ARHGEF28: variants seen among roughly 807,000 people sequenced by gnomAD.
The protein encoded by ARHGEF28 is 190 kDa guanine nucleotide exchange factor.
A neutral mutation model predicts 206.6 loss-of-function variants in ARHGEF28; 152 were observed. That is an observed-to-expected ratio of 0.74 (90% CI 0.64 to 0.84). ARHGEF28 has a LOEUF of 0.84. ARHGEF28 is among the 40% of genes least tolerant of loss of function. The pLI is 0.00. For synonymous variants in ARHGEF28, 763 were observed against 776.4 expected, an observed-to-expected ratio of 0.98 and a Z score of 0.29; for missense variants, 2,028 against 2,073.2, an observed-to-expected ratio of 0.98 and a Z score of 0.42.
At chr5:73,821,777 T>C (rs1201095549) in intron 9 of ARHGEF28, among the ~76,000 whole-genome samples, 2 of 152,138 alleles carry the variant, frequency 1.3e-5, no homozygotes, top group African/African-American at 4.8e-5. Context: ...GTTGATTAAA[T>C]CTAATCATGC....
chr5:73,831,193 G>A (rs577141012), intron 9 of ARHGEF28, among the ~76,000 whole-genome samples: 1 of 152,240 alleles, frequency 6.6e-6, no homozygotes, highest in East Asian at 1.9e-4. Flanking sequence ...GTCTTTACAT[G>A]TCTGAACGCA....
chr5:73,717,097 A>G (rs927056387), intron 2 of ARHGEF28, among the ~76,000 whole-genome samples: 1 of 152,146 alleles, frequency 6.6e-6, no homozygotes, highest in South Asian at 2.1e-4. Context: ...ATCCTGAAAA[A>G]TCCACCCAAA....
Position 73,846,295 on chromosome 5 carries a change from C to T in ARHGEF28, c.1455C>T (p.Asp485=), listed in dbSNP as rs1379668258. The change falls in exon 12 of 36, where the codon GAC becomes GAT. Residue 485 remains aspartate (D), a synonymous_variant. Coordinates refer to ENST00000513042, the MANE Select transcript of ARHGEF28 (RefSeq NM_001177693.2). ...RSSSLDALDA[D]SEGEGHSEPS... is the part of the protein sequence containing the mutation. ...CTAGCCTTGATGCCTTGGACGCCGA[C>T]AGTGAAGGGGAAGGGCATTCTGAGC... is the stretch of plus-strand genomic sequence containing the variant. 1 of 1,613,674 alleles carries T rather than the reference C, an allele frequency of 6.2e-7. No individual in the cohort carries two copies.
intron 9 of ARHGEF28, among the ~76,000 whole-genome samples, chr5:73,812,335 C>T (rs1433945378): frequency 6.6e-6 from 1 of 152,204 alleles, no homozygotes; most frequent in African/African-American, 2.4e-5. Context: ...TTAATTAAGA[C>T]ACATACTGTC....
intron 10 of ARHGEF28, among the ~76,000 whole-genome samples, chr5:73,836,184 C>T (rs1757621298): frequency 6.6e-6 from 1 of 151,958 alleles, no homozygotes; most frequent in Non-Finnish European, 1.5e-5. Flanking sequence ...ATTGCTGGAT[C>T]ATATGGTAGT....
intron 2 of ARHGEF28, among the ~76,000 whole-genome samples, chr5:73,686,310 C>G (rs1184602617): frequency 6.6e-6 from 1 of 151,976 alleles, no homozygotes; most frequent in African/African-American, 2.4e-5. Flanking sequence ...TTCCACCCTC[C>G]TCCCCTACCT....
chr5:73,870,373 C>T (rs752753313), intron 21 of ARHGEF28, among the ~76,000 whole-genome samples, 164 bp downstream of exon 21: 13 of 152,138 alleles, frequency 8.5e-5, no homozygotes, highest in Non-Finnish European at 1.9e-4. Flanking sequence ...GTTTCTCCAT[C>T]TGTAAAATGA....
At chr5:73,667,098 A>G (rs569677592) in intron 1 of ARHGEF28, among the ~76,000 whole-genome samples, 1 of 149,550 alleles carries the variant, frequency 6.7e-6, no homozygotes, top group Non-Finnish European at 1.5e-5. Flanking sequence ...TCAGTGGTGG[A>G]GTCTTTTGAA....
chr5:73,644,498 C>T (rs181711080), intron 1 of ARHGEF28, among the ~76,000 whole-genome samples: 14 of 152,304 alleles, frequency 9.2e-5, no homozygotes, highest in South Asian at 2.1e-4. Flanking sequence ...TGAGCATGTC[C>T]GTTTTCCACT....
At chr5:73,753,273 G>C in intron 4 of ARHGEF28, 71 bp downstream of exon 4, 2 of 1,433,396 alleles carry the variant, frequency 1.4e-6, no homozygotes, top group Non-Finnish European at 1.8e-6. Flanking sequence ...ATGCTATACT[G>C]TGTGTTCCCC....
In ARHGEF28 at chr5:73,726,064, T is replaced by C. The variant is rs554236411; in HGVS notation, c.34-23773T>C. ...TTGTGCAGTTTCCCCCTGTGTTGAG[T>C]GGTTTTAATCTAAATTTTCCTATTA... On this transcript the variant is annotated intron_variant, in intron 2 of 35. Transcript: ENST00000513042. 2.6e-5 allele frequency among the ~76,000 whole-genome samples: 4 copies of C among 152,216 alleles called. No homozygotes were observed. In the South Asian group the frequency reaches 8.3e-4, roughly 32 times the overall value.
At position 73,729,518 on chromosome 5, in the gene ARHGEF28, A is replaced by G. The variant is rs113730065; in HGVS notation, c.34-20319A>G. ...CAAGGACAATGCTAAATAAATATTG[A>G]ACAATTCTCATTCTTTAGATTTTCT... On this transcript the variant is annotated intron_variant, in intron 2 of 35. Transcript: ENST00000513042. Among the ~76,000 whole-genome samples the G allele has an allele frequency of 1.1e-3, 171 of 152,310 alleles. 1 individual carries two copies. Among genetic ancestry groups the G allele is most frequent in the Middle Eastern group, 6.8e-3 (2 of 294 alleles).
chr5:73,730,744 C>T (rs1316532630), intron 2 of ARHGEF28, among the ~76,000 whole-genome samples: 1 of 151,928 alleles, frequency 6.6e-6, no homozygotes, highest in Non-Finnish European at 1.5e-5. Context: ...CCATGTTGCA[C>T]AGGTTGGAAC....
intron 35 of ARHGEF28, among the ~76,000 whole-genome samples, chr5:73,933,276 T>C (rs1049239890): frequency 1.3e-5 from 2 of 152,222 alleles, no homozygotes; most frequent in Non-Finnish European, 2.9e-5. Flanking sequence ...ACATAGGAGA[T>C]GTTATTAGAT....
intron 10 of ARHGEF28, 75 bp downstream of exon 10, chr5:73,832,534 ATTG>A: frequency 6.5e-7 from 1 of 1,543,010 alleles, no homozygotes; most frequent in South Asian, 1.2e-5. Flanking sequence ...TAGATTCAGC[ATTG>A]TTGTGTTCCT....
intron 1 of ARHGEF28, among the ~76,000 whole-genome samples, chr5:73,677,670 G>GT (rs1746792856): frequency 1.3e-5 from 2 of 152,040 alleles, no homozygotes; most frequent in African/African-American, 4.8e-5. Context: ...TGTATTCCCC[G>GT]TAAGTCTATA....
At chr5:73,682,413 T>G (rs1256173089) in intron 1 of ARHGEF28, among the ~76,000 whole-genome samples, 1 of 148,426 alleles carries the variant, frequency 6.7e-6, no homozygotes, top group Non-Finnish European at 1.5e-5. Flanking sequence ...ATATCACAAT[T>G]CATTCTTTTT....
chr5:73,681,088 AT>A (rs10551544), intron 1 of ARHGEF28, among the ~76,000 whole-genome samples: 55,479 of 138,960 alleles, frequency 0.4, 11,043 homozygotes, highest in Non-Finnish European at 0.48. Flanking sequence ...ATAGTAATGC[AT>A]TTTTTTTTTT....
At chr5:73,846,177 A>C in intron 11 of ARHGEF28, 91 bp from the exon 12 acceptor site, 89 of 1,029,696 alleles carry the variant, frequency 8.6e-5, no homozygotes, top group East Asian at 1.2e-4. Context: ...CCCCCGCCCC[A>C]GTGAAAGAAT....
Sources: allele counts gnomAD v4.1 joint callset (sites outside exome capture counted in the v4.1 genomes callset), GRCh38; gene constraint gnomAD v4.1.1; transcripts MANE v1.5; gene names NCBI Gene and HGNC (gene_info 2026-07-23, HGNC 2026-07-21).